NBEA: variants seen among roughly 807,000 people sequenced by gnomAD.
NBEA encodes the protein lysosomal-trafficking regulator 2.
Under a neutral mutation model 343.4 loss-of-function variants are expected in NBEA, and 44 were observed. The ratio of observed to expected loss-of-function variants is 0.13; its 90% confidence interval spans 0.10 to 0.16. The LOEUF (loss-of-function observed/expected upper bound fraction) is 0.16. Among genes scored for constraint, NBEA ranks in the 10% least tolerant of loss-of-function variants. The pLI is 1.00. For synonymous variants in NBEA, 1,175 were observed against 1,238.7 expected (o/e 0.95, Z 1.08); for missense variants, 2,555 against 3,631.3 (o/e 0.70, Z 7.62).
chr13:35,508,714 A>G (rs2077162625), intron 41 of NBEA, among the ~76,000 whole-genome samples: 1 of 152,180 alleles, frequency 6.6e-6, no homozygotes, highest in African/African-American at 2.4e-5. Context: ...ACTTTTGGAA[A>G]TAGTAAAAGG....
chr13:35,151,543 C>CAAA (rs35047334), intron 18 of NBEA, among the ~76,000 whole-genome samples: 20 of 94,212 alleles, frequency 2.1e-4, no homozygotes, highest in African/African-American at 6.5e-4. Context: ...AACTCTGTCT[C>CAAA]AAAAAAAAAA....
intron 48 of NBEA, among the ~76,000 whole-genome samples, chr13:35,627,679 A>G (rs75766052): frequency 6.6e-6 from 1 of 152,180 alleles, no homozygotes; most frequent in Admixed American, 6.5e-5. Flanking sequence ...AAAATTGCTT[A>G]ATTTCAAACT....
intron 30 of NBEA, among the ~76,000 whole-genome samples, chr13:35,184,852 A>G (rs2071578805): frequency 6.6e-6 from 1 of 152,136 alleles, no homozygotes; most frequent in Non-Finnish European, 1.5e-5. Context: ...AAGGATTTAT[A>G]AGAGGTAGAA....
At chr13:35,525,061 T>G (rs1355175696) in intron 41 of NBEA, among the ~76,000 whole-genome samples, 1 of 152,192 alleles carries the variant, frequency 6.6e-6, no homozygotes. Flanking sequence ...TGTCCTACCA[T>G]TTTTCAGAGA....
chr13:35,441,567 T>C (rs2045738600), intron 39 of NBEA, among the ~76,000 whole-genome samples: 1 of 152,156 alleles, frequency 6.6e-6, no homozygotes, highest in South Asian at 2.1e-4. Flanking sequence ...TGCTGGTTCC[T>C]TCCCCTACCT....
At position 35,381,518 on chromosome 13, in the gene NBEA, C is replaced by T. The variant is rs139027093; in HGVS notation, c.6179+29195C>T. ...ACATGAATATCCAGACTTCTATTCC[C>T]GAGTAGCATGGGATGAAACCGCCAG... On this transcript the variant is annotated intron_variant, in intron 38 of 58. Coordinates refer to ENST00000379939, the MANE Select transcript of NBEA (RefSeq NM_001385012.1). 5.9e-3 allele frequency among the ~76,000 whole-genome samples: 895 copies of T among 152,102 alleles called. 10 individuals carry two copies. The highest frequency in any genetic ancestry group is 0.02 in the African/African-American group (849 of 41,504).
chr13:35,497,614 G>A (rs1462632557), intron 41 of NBEA, among the ~76,000 whole-genome samples: 1 of 151,996 alleles, frequency 6.6e-6, no homozygotes, highest in East Asian at 1.9e-4. Flanking sequence ...GTATCTTTCA[G>A]TCTTTTCTCT....
At chr13:35,592,276 CTTACT>C in intron 46 of NBEA, among the ~76,000 whole-genome samples, 1 of 152,142 alleles carries the variant, frequency 6.6e-6, no homozygotes, top group Non-Finnish European at 1.5e-5. Context: ...GTCATTTGTA[CTTACT>C]TTATTCTTCG....
chr13:35,659,763 G>A (rs1010617243), intron 55 of NBEA, among the ~76,000 whole-genome samples: 1 of 152,020 alleles, frequency 6.6e-6, no homozygotes, highest in Admixed American at 6.6e-5. Flanking sequence ...TCAAACTCGC[G>A]GCTTTGAACG....
At chr13:35,436,360 A>T (rs185638427) in intron 39 of NBEA, among the ~76,000 whole-genome samples, 1 of 152,344 alleles carries the variant, frequency 6.6e-6, no homozygotes, top group Admixed American at 6.5e-5. Context: ...TTGAAATTCA[A>T]CTGATCTCTT....
chr13:35,253,470 G>A (rs118107600), intron 34 of NBEA, among the ~76,000 whole-genome samples: 3,687 of 152,288 alleles, frequency 0.024, 57 homozygotes, highest in Non-Finnish European at 0.035. Context: ...ACTGGGAAAC[G>A]AGAATTGTGT....
rs145405669 is a variant in NBEA, at chr13:35,642,937, C to G, written c.7618-2932C>G. Among the ~76,000 whole-genome samples the G allele has an allele frequency of 5.8e-3, 874 of 150,964 alleles. 4 individuals are homozygous for G. Among genetic ancestry groups the G allele is most frequent in the Middle Eastern group, 0.014 (4 of 294 alleles). ...AATGGAATCTAGTATGTAGTAGGTA[C>G]TCAACAAATACATGTTTTGTGAATA... is the stretch of plus-strand genomic sequence containing the variant. On this transcript the variant is annotated intron_variant, in intron 49 of 58. Transcript: ENST00000379939.
At chr13:35,289,828 C>T (rs181419075) in intron 34 of NBEA, among the ~76,000 whole-genome samples, 5 of 151,718 alleles carry the variant, frequency 3.3e-5, no homozygotes, top group South Asian at 2.1e-4. Flanking sequence ...TGGAGTATAA[C>T]GGTGAAATAT....
At chr13:35,410,258 A>T (rs962767572) in intron 38 of NBEA, among the ~76,000 whole-genome samples, 1 of 151,824 alleles carries the variant, frequency 6.6e-6, no homozygotes, top group Non-Finnish European at 1.5e-5. Context: ...TGGCTTTAAA[A>T]CATTGAACTA....
At chr13:35,288,518 T>A (rs2035586831) in intron 34 of NBEA, among the ~76,000 whole-genome samples, 1 of 151,932 alleles carries the variant, frequency 6.6e-6, no homozygotes, top group African/African-American at 2.4e-5. Context: ...ATTGTGTCAA[T>A]TTTTTGCCAT....
At chr13:35,385,680 G>T (rs1300879615) in intron 38 of NBEA, among the ~76,000 whole-genome samples, 3 of 152,106 alleles carry the variant, frequency 2.0e-5, no homozygotes, top group African/African-American at 7.2e-5. Flanking sequence ...TCCAGCCTAG[G>T]TGACAAAGAA....
chr13:35,538,453 A>G (rs371480269), intron 41 of NBEA, among the ~76,000 whole-genome samples: 1 of 152,248 alleles, frequency 6.6e-6, no homozygotes, highest in South Asian at 2.1e-4. Flanking sequence ...TCATTTTCTT[A>G]CACTTATTCA....
intron 30 of NBEA, 127 bp downstream of exon 30, chr13:35,184,198 G>A (rs1593650874): frequency 1.2e-5 from 7 of 607,372 alleles, no homozygotes; most frequent in Non-Finnish European, 1.9e-5. Flanking sequence ...GATATGATAT[G>A]TTGTATTTAT....
chr13:35,655,223 TG>T (rs1322348495), intron 54 of NBEA, among the ~76,000 whole-genome samples: 3 of 152,178 alleles, frequency 2.0e-5, no homozygotes, highest in Non-Finnish European at 4.4e-5. Flanking sequence ...ATAGGACAAA[TG>T]GGGCTATTGT....
Sources: gnomAD v4.1 joint callset for allele counts (sites outside exome capture counted in the v4.1 genomes callset) on GRCh38, gnomAD v4.1.1 for gene constraint, MANE v1.5 for transcripts, NCBI Gene and HGNC (gene_info 2026-07-23, HGNC 2026-07-21) for gene names.